The following RASGEF1C variants were observed in gnomAD, a reference collection of about 807,000 sequenced individuals.
RASGEF1C encodes ras-GEF domain-containing family member 1C.
A neutral mutation model predicts 58.1 loss-of-function variants in RASGEF1C; 27 were observed. That is an observed-to-expected ratio of 0.46 (90% confidence interval 0.34 to 0.64). The LOEUF is 0.64. Ranked by LOEUF, RASGEF1C falls within the 30% of genes least tolerant of loss-of-function variation. The pLI is 0.01. For missense variants in RASGEF1C, 502 were observed against 605.1 expected, an observed-to-expected ratio of 0.83 and a Z score of 1.79; for synonymous variants, 243 against 246.3, an observed-to-expected ratio of 0.99 and a Z score of 0.13.
chr5:180,170,904 G>A (rs376482094), intron 1 of RASGEF1C, among the ~76,000 whole-genome samples: 6 of 152,146 alleles, frequency 3.9e-5, no homozygotes, highest in African/African-American at 1.2e-4. Flanking sequence ...CCCTGCCCCT[G>A]TCCCCTGTCC....
rs182631481 is a variant in RASGEF1C, at chr5:180,190,465, G to A, written c.-7+18563C>T. On this transcript the variant is annotated intron_variant, in intron 1 of 13. Coordinates refer to ENST00000361132, the MANE Select transcript of RASGEF1C (RefSeq NM_175062.4). ...AGATCGCGCCACTGCACTCCAGACT[G>A]GGTGACAGAGTGAGACTCCGTCTCA... Among the ~76,000 whole-genome samples the A allele has an allele frequency of 8.3e-3, 885 of 106,710 alleles. 362 individuals carry two copies. Among genetic ancestry groups the A allele is most frequent in the East Asian group, 0.041 (96 of 2,362 alleles). 70.0% of individuals were successfully genotyped at this position (106,710 alleles called of 152,430 possible).
chr5:180,199,514 A>G (rs916939170), intron 1 of RASGEF1C, among the ~76,000 whole-genome samples: 19 of 152,140 alleles, frequency 1.2e-4, no homozygotes, highest in African/African-American at 4.6e-4. Context: ...AAGGGTCTGC[A>G]CTCCGTCCCA....
chr5:180,191,437 A>G (rs1756160793), intron 1 of RASGEF1C, among the ~76,000 whole-genome samples: 1 of 152,100 alleles, frequency 6.6e-6, no homozygotes, highest in South Asian at 2.1e-4. Context: ...GCTCACTGCA[A>G]GCTCCGCCTC....
intron 1 of RASGEF1C, among the ~76,000 whole-genome samples, chr5:180,162,966 T>C (rs933798922): frequency 2.0e-5 from 3 of 152,190 alleles, no homozygotes; most frequent in Non-Finnish European, 4.4e-5. Flanking sequence ...GATTCATACC[T>C]AAGTATCTTT....
chr5:180,114,443 T>TAC lies in RASGEF1C; in HGVS notation c.1179+1_1179+2dup. The stretch of plus-strand genomic sequence containing the variant: ...TCAGTGGCGGTCCACACGGAGGTCC[T>TAC]ACCTCAAAGTTGACGTGTCCATTGG... On this transcript the variant is annotated splice_region_variant and intron_variant, in intron 11 of 13. Coordinates refer to ENST00000361132, the MANE Select transcript of RASGEF1C (RefSeq NM_175062.4). 6.2e-7 allele frequency: 1 copy of TAC among 1,611,858 alleles called. No individual in the cohort carries two copies. Among genetic ancestry groups the TAC allele is most frequent in the Non-Finnish European group, 8.5e-7 (1 of 1,178,610 alleles).
chr5:180,160,155 T>C (rs988379329), intron 1 of RASGEF1C, among the ~76,000 whole-genome samples: 3 of 152,176 alleles, frequency 2.0e-5, no homozygotes, highest in African/African-American at 4.8e-5. Context: ...CTTGGAGGTG[T>C]TTCCTGCAAA....
intron 1 of RASGEF1C, among the ~76,000 whole-genome samples, chr5:180,204,147 C>T (rs1469001305): frequency 2.0e-5 from 3 of 152,186 alleles, no homozygotes; most frequent in Admixed American, 1.3e-4. Context: ...TATATTCCAT[C>T]GTACGGATAT....
At chr5:180,170,374 A>T (rs995357510) in intron 1 of RASGEF1C, among the ~76,000 whole-genome samples, 4 of 152,188 alleles carry the variant, frequency 2.6e-5, no homozygotes, top group Non-Finnish European at 5.9e-5. Context: ...CAAGCGTCCT[A>T]TTTACCACGA....
At chr5:180,151,675 AAAACACC>A (rs1766747323) in intron 1 of RASGEF1C, among the ~76,000 whole-genome samples, 4 of 152,178 alleles carry the variant, frequency 2.6e-5, no homozygotes, top group African/African-American at 9.6e-5. Flanking sequence ...CTTCATGTCT[AAAACACC>A]AAAAGCAATG....
At chr5:180,194,813 C>T (rs904062540) in intron 1 of RASGEF1C, among the ~76,000 whole-genome samples, 4 of 152,232 alleles carry the variant, frequency 2.6e-5, no homozygotes, top group Non-Finnish European at 5.9e-5. Context: ...CCGAACCAGC[C>T]CTCTCTCCCC....
intron 6 of RASGEF1C, among the ~76,000 whole-genome samples, chr5:180,122,614 G>A (rs1350826865): frequency 2.6e-5 from 4 of 151,816 alleles, no homozygotes; most frequent in Non-Finnish European, 1.5e-5. Context: ...GGTGGTGGGT[G>A]CCTGTAATCC....
chr5:180,146,972 C>G (rs999093249), intron 1 of RASGEF1C, among the ~76,000 whole-genome samples: 1 of 152,096 alleles, frequency 6.6e-6, no homozygotes, highest in East Asian at 1.9e-4. Flanking sequence ...CTTTTAATTA[C>G]TAATTAAACC....
In RASGEF1C at chr5:180,153,565, G is replaced by A. The variant is rs149594199; in HGVS notation, c.-6-15507C>T. On this transcript the variant is annotated intron_variant, in intron 1 of 13. Coordinates refer to ENST00000361132, the MANE Select transcript of RASGEF1C (RefSeq NM_175062.4). ...GAATCCTGATGCCTGCTACTCCACC[G>A]TCTTCCCTGACTTCTTCTCATTACT... 3.9e-3 allele frequency among the ~76,000 whole-genome samples: 598 copies of A among 152,258 alleles called. 2 individuals carry two copies. Among genetic ancestry groups the A allele is most frequent in the Middle Eastern group, 0.014 (4 of 294 alleles).
intron 11 of RASGEF1C, among the ~76,000 whole-genome samples, chr5:180,113,287 C>G (rs1388292069): frequency 1.5e-3 from 29 of 19,646 alleles, no homozygotes; most frequent in African/African-American, 2.0e-3. Context: ...CGGAGGGATC[C>G]AGGATGGACG....
At chr5:180,165,984 C>T (rs984299445) in intron 1 of RASGEF1C, among the ~76,000 whole-genome samples, 2 of 151,750 alleles carry the variant, frequency 1.3e-5, no homozygotes, top group Admixed American at 6.6e-5. Context: ...CTCCTGACCT[C>T]GTGATCTGCC....
chr5:180,204,616 C>CTCTATCA (rs1756457624), intron 1 of RASGEF1C, among the ~76,000 whole-genome samples: 1 of 149,114 alleles, frequency 6.7e-6, no homozygotes, highest in Non-Finnish European at 1.5e-5. Context: ...ATGGATATTC[C>CTCTATCA]TCTATCTATC....
rs1766305734 is a variant in RASGEF1C at position 180,128,579 on chromosome 5, T to C, written c.470A>G (p.Gln157Arg). 1.9e-6 allele frequency: 3 copies of C among 1,613,912 alleles called. No individual in the cohort carries two copies. In the African/African-American group the frequency reaches 4.0e-5, roughly 22 times the overall value. The stretch of plus-strand genomic sequence containing the variant: ...AGCCGCCAGCTTCTGGTGCAGAGCC[T>C]GTAGGAGCTGATGCATCCTCTTCCG... ...AYRKRMHQLL[Q>R]ALHQKLAALR... The change falls in exon 5 of 14, where the codon CAG becomes CGG. Residue 157 changes from glutamine to arginine, a missense_variant. Gln to Arg is a conservative substitution (Grantham distance 43, BLOSUM62 1). Transcript: ENST00000361132.
intron 1 of RASGEF1C, among the ~76,000 whole-genome samples, chr5:180,150,804 T>C (rs1766733668): frequency 6.6e-6 from 1 of 152,150 alleles, no homozygotes; most frequent in Non-Finnish European, 1.5e-5. Flanking sequence ...CATGATTGTA[T>C]ATCTAGAAAA....
At chr5:180,136,250 C>G (rs35802442) in intron 4 of RASGEF1C, 128 bp downstream of exon 4, 120,516 of 978,226 alleles carry the variant, frequency 0.12, 8,575 homozygotes, top group East Asian at 0.25. Context: ...GGCCAGAAAG[C>G]GGCTGGATTT....
Sources: gnomAD v4.1 joint callset for allele counts (sites outside exome capture counted in the v4.1 genomes callset) on GRCh38, gnomAD v4.1.1 for gene constraint, MANE v1.5 for transcripts, NCBI Gene and HGNC (gene_info 2026-07-23, HGNC 2026-07-21) for gene names.